The following GPC6 variants were observed in gnomAD, a reference collection of about 807,000 sequenced individuals.
GPC6 encodes the protein glypican-6.
GPC6 carries 14 observed loss-of-function variants against 55.2 expected under a neutral mutation model. That is an observed-to-expected ratio of 0.25 (90% confidence interval 0.17 to 0.40). The LOEUF is 0.40. GPC6 is among the 10% of genes least tolerant of loss of function. The pLI, the probability that GPC6 is intolerant of heterozygous loss-of-function variation, is 1.00. For synonymous variants in GPC6, 278 were observed against 259.6 expected (o/e 1.07, Z -0.68); for missense variants, 641 against 708.5 (o/e 0.90, Z 1.08).
intron 1 of GPC6, among the ~76,000 whole-genome samples, chr13:93,431,483 T>C (rs1210385284): frequency 6.6e-6 from 1 of 152,172 alleles, no homozygotes; most frequent in Non-Finnish European, 1.5e-5. Context: ...TAAACAACTT[T>C]ATGTAATATT....
chr13:93,386,319 A>G (rs1357550379), intron 1 of GPC6, among the ~76,000 whole-genome samples: 2 of 152,186 alleles, frequency 1.3e-5, no homozygotes, highest in Non-Finnish European at 2.9e-5. Flanking sequence ...GCTTTTTAAA[A>G]TAATGTTTAT....
At chr13:94,102,628 A>C (rs1412275704) in intron 4 of GPC6, among the ~76,000 whole-genome samples, 1 of 152,014 alleles carries the variant, frequency 6.6e-6, no homozygotes, top group East Asian at 1.9e-4. Flanking sequence ...AAACAGCCTT[A>C]TGATTTTTAT....
chr13:93,735,231 T>C (rs988134947), intron 2 of GPC6, among the ~76,000 whole-genome samples: 1 of 152,110 alleles, frequency 6.6e-6, no homozygotes, highest in Non-Finnish European at 1.5e-5. Flanking sequence ...GACTCCAAAG[T>C]CTTATGTGAA....
intron 2 of GPC6, among the ~76,000 whole-genome samples, chr13:93,802,446 G>T (rs2138939506): frequency 6.6e-6 from 1 of 151,446 alleles, no homozygotes; most frequent in East Asian, 1.9e-4. Context: ...GTGTCACCCA[G>T]AAGTACAGTG....
At chr13:94,275,250 TATA>T (rs1200792248) in intron 4 of GPC6, among the ~76,000 whole-genome samples, 1 of 152,058 alleles carries the variant, frequency 6.6e-6, no homozygotes, top group African/African-American at 2.4e-5. Context: ...CAAATATACA[TATA>T]ATAAGTCAGC....
chr13:94,035,141 T>TA (rs1331368229), intron 4 of GPC6, among the ~76,000 whole-genome samples: 23 of 151,982 alleles, frequency 1.5e-4, no homozygotes, highest in African/African-American at 5.3e-4. Flanking sequence ...TATAGGTAGT[T>TA]TAATTTATTT....
intron 3 of GPC6, among the ~76,000 whole-genome samples, chr13:93,944,234 T>C (rs896262743): frequency 2.0e-5 from 3 of 151,710 alleles, no homozygotes; most frequent in Admixed American, 1.3e-4. Context: ...GACGGAGTCT[T>C]GCTCTGTCGC....
At chr13:93,738,610 C>A (rs1884083066) in intron 2 of GPC6, among the ~76,000 whole-genome samples, 1 of 152,070 alleles carries the variant, frequency 6.6e-6, no homozygotes, top group African/African-American at 2.4e-5. Context: ...TTATAATAGT[C>A]AACACTTCCA....
chr13:93,749,834 C>G (rs889611657), intron 2 of GPC6, among the ~76,000 whole-genome samples: 4 of 152,048 alleles, frequency 2.6e-5, no homozygotes, highest in African/African-American at 9.7e-5. Flanking sequence ...AAAAGATTAT[C>G]CTTTTTCTAA....
At chr13:93,400,556 G>A (rs529301989) in intron 1 of GPC6, among the ~76,000 whole-genome samples, 5 of 152,100 alleles carry the variant, frequency 3.3e-5, no homozygotes, top group Non-Finnish European at 5.9e-5. Context: ...GGTGACTACC[G>A]TCAAAACAAT....
At chr13:93,832,285 G>A (rs1887550243) in intron 3 of GPC6, among the ~76,000 whole-genome samples, 2 of 150,776 alleles carry the variant, frequency 1.3e-5, no homozygotes, top group South Asian at 2.1e-4. Context: ...ATATGAATAA[G>A]TGTAGAAAAT....
intron 2 of GPC6, among the ~76,000 whole-genome samples, chr13:93,762,283 A>G (rs992965198): frequency 1.3e-5 from 2 of 152,216 alleles, no homozygotes; most frequent in Non-Finnish European, 2.9e-5. Context: ...GAAATTAGAA[A>G]CAGTCTAATG....
At chr13:93,311,060 C>T (rs770489031) in intron 1 of GPC6, among the ~76,000 whole-genome samples, 5 of 152,116 alleles carry the variant, frequency 3.3e-5, no homozygotes, top group Non-Finnish European at 5.9e-5. Context: ...GATTCACTGC[C>T]ATTGTGTCAT....
At chr13:94,296,424 T>C (rs1195695854) in intron 5 of GPC6, among the ~76,000 whole-genome samples, 1 of 152,190 alleles carries the variant, frequency 6.6e-6, no homozygotes, top group African/African-American at 2.4e-5. Flanking sequence ...GAGAAGGTGC[T>C]CTCCTGGTCT....
intron 2 of GPC6, among the ~76,000 whole-genome samples, chr13:93,814,699 T>C (rs1027828173): frequency 6.6e-5 from 10 of 152,180 alleles, no homozygotes; most frequent in African/African-American, 2.4e-4. Flanking sequence ...AAAAGCGAGA[T>C]TGGGTTGCCC....
At chr13:94,185,278 A>G (rs1889134940) in intron 4 of GPC6, among the ~76,000 whole-genome samples, 1 of 151,658 alleles carries the variant, frequency 6.6e-6, no homozygotes. Flanking sequence ...AAAAAAAAGA[A>G]GCCATTGGCC....
intron 1 of GPC6, among the ~76,000 whole-genome samples, chr13:93,420,314 A>G (rs1176671989): frequency 6.6e-6 from 1 of 152,176 alleles, no homozygotes; most frequent in East Asian, 1.9e-4. Flanking sequence ...TAATGAAGGT[A>G]GTCAGGAAAG....
chr13:93,470,626 A>G (rs1879076491), intron 1 of GPC6, among the ~76,000 whole-genome samples: 6 of 152,050 alleles, frequency 3.9e-5, no homozygotes, highest in Admixed American at 3.9e-4. Flanking sequence ...TTTTCTCTGG[A>G]CTTGATATCA....
intron 4 of GPC6, among the ~76,000 whole-genome samples, chr13:94,220,150 C>G (rs370407507): frequency 2.1e-4 from 32 of 152,094 alleles, no homozygotes; most frequent in Non-Finnish European, 4.0e-4. Flanking sequence ...ATGAATTTCC[C>G]CTACCATTCT....
Sources: allele counts gnomAD v4.1 joint callset (sites outside exome capture counted in the v4.1 genomes callset), GRCh38; gene constraint gnomAD v4.1.1; transcripts MANE v1.5; gene names NCBI Gene and HGNC (gene_info 2026-07-23, HGNC 2026-07-21).